ANGPT1: variants seen among roughly 807,000 people sequenced by gnomAD.
ANGPT1 encodes the protein angiopoietin-1.
Under a neutral mutation model 62.2 loss-of-function variants are expected in ANGPT1, and 17 were observed. The ratio of observed to expected loss-of-function variants is 0.27; its 90% CI spans 0.19 to 0.41. The LOEUF (loss-of-function observed/expected upper bound fraction) is 0.41, where lower values mean the gene tolerates loss of function less well. ANGPT1 is among the 10% of genes least tolerant of loss of function. The pLI is 1.00. For synonymous variants in ANGPT1, 199 were observed against 198.9 expected (o/e 1.00, Z 0.00); for missense variants, 478 against 594.9 (o/e 0.80, Z 2.04).
chr8:107,429,494 C>T (rs2130399910), intron 1 of ANGPT1, among the ~76,000 whole-genome samples: 1 of 152,140 alleles, frequency 6.6e-6, no homozygotes, highest in Non-Finnish European at 1.5e-5. Flanking sequence ...CGGGACACTC[C>T]CAAGGAGCTT....
intron 1 of ANGPT1, among the ~76,000 whole-genome samples, chr8:107,370,403 A>AAAG (rs1554586990): frequency 2.1e-5 from 1 of 46,602 alleles, no homozygotes; most frequent in Non-Finnish European, 5.0e-5. Context: ...AAAGAAAGAA[A>AAAG]GAAAGAGTCA....
At chr8:107,383,172 T>C (rs1816672059) in intron 1 of ANGPT1, among the ~76,000 whole-genome samples, 1 of 152,166 alleles carries the variant, frequency 6.6e-6, no homozygotes, top group Admixed American at 6.6e-5. Flanking sequence ...TAATGTGGCT[T>C]CCTTCAGATC....
chr8:107,476,540 A>T (rs1311389906), intron 1 of ANGPT1, among the ~76,000 whole-genome samples: 1 of 152,172 alleles, frequency 6.6e-6, no homozygotes, highest in African/African-American at 2.4e-5. Context: ...ATACATATGT[A>T]ACAAACCTGC....
chr8:107,427,244 G>A (rs781501829), intron 1 of ANGPT1, among the ~76,000 whole-genome samples: 58 of 152,120 alleles, frequency 3.8e-4, no homozygotes, highest in Non-Finnish European at 6.8e-4. Context: ...GGAGGAATGG[G>A]GGTTAGGGGC....
chr8:107,454,853 C>G (rs1811875036), intron 1 of ANGPT1, among the ~76,000 whole-genome samples: 1 of 151,978 alleles, frequency 6.6e-6, no homozygotes, highest in South Asian at 2.1e-4. Flanking sequence ...TTAGTATGCT[C>G]TTATTGAGAA....
intron 2 of ANGPT1, among the ~76,000 whole-genome samples, chr8:107,341,714 AAT>A (rs1815699784): frequency 6.6e-6 from 1 of 151,508 alleles, no homozygotes; most frequent in Non-Finnish European, 1.5e-5. Context: ...TACAGAATTT[AAT>A]AGAGATAAGA....
intron 1 of ANGPT1, among the ~76,000 whole-genome samples, chr8:107,441,744 T>C (rs1200685166): frequency 6.6e-6 from 1 of 152,084 alleles, no homozygotes; most frequent in African/African-American, 2.4e-5. Flanking sequence ...CTGGTGTGGC[T>C]CTTATCTAAC....
At chr8:107,447,535 T>G (rs1008267343) in intron 1 of ANGPT1, among the ~76,000 whole-genome samples, 1 of 152,246 alleles carries the variant, frequency 6.6e-6, no homozygotes, top group African/African-American at 2.4e-5. Context: ...CCCTCTGCCT[T>G]AGACCACTCC....
intron 3 of ANGPT1, among the ~76,000 whole-genome samples, chr8:107,335,347 A>G (rs1328642062): frequency 1.3e-5 from 2 of 152,244 alleles, no homozygotes; most frequent in Non-Finnish European, 2.9e-5. Flanking sequence ...CCTCAATATT[A>G]TGCATAGGAA....
At chr8:107,419,763 C>A (rs2130376230) in intron 1 of ANGPT1, among the ~76,000 whole-genome samples, 1 of 152,174 alleles carries the variant, frequency 6.6e-6, no homozygotes, top group South Asian at 2.1e-4. Flanking sequence ...AACTTCAACC[C>A]AGCCAAAGCT....
chr8:107,451,373 T>C (rs909833755), intron 1 of ANGPT1, among the ~76,000 whole-genome samples: 14 of 151,606 alleles, frequency 9.2e-5, no homozygotes, highest in African/African-American at 3.4e-4. Context: ...AACCTTATGA[T>C]ACTAGGTTCA....
chr8:107,483,565 C>G (rs900661729), intron 1 of ANGPT1, among the ~76,000 whole-genome samples: 4 of 151,914 alleles, frequency 2.6e-5, no homozygotes, highest in African/African-American at 9.7e-5. Flanking sequence ...TCTTATCATA[C>G]TGATGAACTT....
At chr8:107,289,103 T>G (rs1297547571) in intron 6 of ANGPT1, among the ~76,000 whole-genome samples, 1 of 152,158 alleles carries the variant, frequency 6.6e-6, no homozygotes, top group Non-Finnish European at 1.5e-5. Context: ...CACAATCACC[T>G]GAAAGGTTTT....
chr8:107,478,008 G>T (rs987445568), intron 1 of ANGPT1, among the ~76,000 whole-genome samples: 1 of 149,472 alleles, frequency 6.7e-6, no homozygotes, highest in African/African-American at 2.4e-5. Flanking sequence ...AAGCTGCTTC[G>T]GTAGTAAAAA....
chr8:107,336,499 A>G, intron 2 of ANGPT1: 1 of 481,112 alleles, frequency 2.1e-6, no homozygotes, highest in Non-Finnish European at 3.0e-6. Flanking sequence ...CCCCGTCTCT[A>G]CTAAAAATAC....
intron 8 of ANGPT1, among the ~76,000 whole-genome samples, chr8:107,254,697 G>T (rs1294600269): frequency 2.0e-5 from 3 of 152,092 alleles, no homozygotes; most frequent in African/African-American, 7.2e-5. Flanking sequence ...GGGATGTGTA[G>T]GGACATCAGT....
At chr8:107,382,344 C>G (rs1672157) in intron 1 of ANGPT1, among the ~76,000 whole-genome samples, 72,348 of 151,808 alleles carry the variant, frequency 0.48, 19,084 homozygotes, top group Middle Eastern at 0.59. Flanking sequence ...TTAGATACAT[C>G]ACATACAATA....
chr8:107,429,279 A>T (rs1198790804), intron 1 of ANGPT1, among the ~76,000 whole-genome samples: 1 of 152,194 alleles, frequency 6.6e-6, no homozygotes, highest in Non-Finnish European at 1.5e-5. Flanking sequence ...CACTCATAAG[A>T]TGAGACCGGT....
At chr8:107,408,393 T>C (rs1338542890) in intron 1 of ANGPT1, among the ~76,000 whole-genome samples, 2 of 152,332 alleles carry the variant, frequency 1.3e-5, no homozygotes, top group African/African-American at 2.4e-5. Flanking sequence ...TTTGAAAAGA[T>C]TGCTTTTGAG....
Sources: gnomAD v4.1 joint callset for allele counts (sites outside exome capture counted in the v4.1 genomes callset) on GRCh38, gnomAD v4.1.1 for gene constraint, MANE v1.5 for transcripts, NCBI Gene and HGNC (gene_info 2026-07-23, HGNC 2026-07-21) for gene names.